Variants in SESN1 observed in about 807,000 individuals in gnomAD.
The protein encoded by SESN1 is sestrin-1.
A neutral mutation model predicts 59.3 loss-of-function variants in SESN1; 30 were observed. The observed-to-expected ratio is 0.51, with a 90% CI of 0.38 to 0.69. The LOEUF (loss-of-function observed/expected upper bound fraction) is 0.69, where lower values mean the gene tolerates loss of function less well. SESN1 is among the 30% of genes least tolerant of loss of function. SESN1 has a pLI of 0.00. For synonymous variants in SESN1, 197 were observed against 219.9 expected, an observed-to-expected ratio of 0.90 and a Z score of 0.92; for missense variants, 566 against 673.0, an observed-to-expected ratio of 0.84 and a Z score of 1.76.
chr6:109,071,916 A>T (rs1182537795), intron 1 of SESN1, among the ~76,000 whole-genome samples: 1 of 152,202 alleles, frequency 6.6e-6, no homozygotes, highest in East Asian at 1.9e-4. Flanking sequence ...TTAATCTTTT[A>T]AGATCACAAT....
chr6:109,039,300 C>A (rs1374885539), intron 1 of SESN1, among the ~76,000 whole-genome samples: 1 of 152,190 alleles, frequency 6.6e-6, no homozygotes, highest in Admixed American at 6.5e-5. Flanking sequence ...ATTGTATATA[C>A]TGCATAAATC....
At chr6:109,045,881 GAAAT>G (rs1780422098) in intron 1 of SESN1, among the ~76,000 whole-genome samples, 1 of 152,112 alleles carries the variant, frequency 6.6e-6, no homozygotes, top group Non-Finnish European at 1.5e-5. Flanking sequence ...ACATGTTTCT[GAAAT>G]AAATAAATGT....
At chr6:109,008,667 A>T in intron 1 of SESN1, 1 of 516,992 alleles carries the variant, frequency 1.9e-6, no homozygotes, top group Non-Finnish European at 2.5e-6. Context: ...TTCGAGTTTT[A>T]CCTAAGGTTA....
rs1562450393 is a variant in SESN1, at chr6:108,987,241, G to C, written c.*303C>G. ...TCTTGTTATCTTATTTAACATAAAA[G>C]CAACAGGATTTGGAGAGTTACTATT... On this transcript the variant is annotated 3_prime_UTR_variant, in exon 10 of 10. Coordinates refer to ENST00000436639, the MANE Select transcript of SESN1 (RefSeq NM_014454.3). 7.8e-6 allele frequency: 2 copies of C among 255,568 alleles called. No individual in the cohort carries two copies. Among genetic ancestry groups the C allele is most frequent in the East Asian group, 1.5e-4 (2 of 13,590 alleles). 15.8% of individuals were successfully genotyped at this position (255,568 alleles called of 1,614,324 possible). A position where few individuals can be genotyped will look rare whatever the true frequency, so the allele number is the denominator to read the frequency against.
chr6:109,021,225 C>A (rs1360067393), intron 1 of SESN1, among the ~76,000 whole-genome samples: 1 of 152,104 alleles, frequency 6.6e-6, no homozygotes, highest in Non-Finnish European at 1.5e-5. Context: ...CTCAAGTGAA[C>A]TCCCGCCTCA....
chr6:109,078,951 G>A lies in SESN1; in HGVS notation c.279+14844C>T, dbSNP rs114504177. ...AAATAATATATTGTATGAAATGAAA[G>A]AATATTTATCTCAAGGTTTGAATCT... On this transcript the variant is annotated intron_variant, in intron 1 of 9. Transcript: ENST00000436639. Among the ~76,000 whole-genome samples, 1,195 of 151,988 alleles carry A rather than the reference G, an allele frequency of 7.9e-3. 21 individuals are homozygous for A. The highest frequency in any genetic ancestry group is 0.028 in the African/African-American group (1,146 of 41,428).
At chr6:108,998,449 G>A in intron 5 of SESN1, 64 bp downstream of exon 5, 1 of 1,584,206 alleles carries the variant, frequency 6.3e-7, no homozygotes, top group Admixed American at 1.7e-5. Flanking sequence ...GCCAACTGAA[G>A]AAATAATATA....
intron 1 of SESN1, among the ~76,000 whole-genome samples, chr6:109,063,824 T>C (rs1375215234): frequency 6.6e-6 from 1 of 151,870 alleles, no homozygotes; most frequent in African/African-American, 2.4e-5. Context: ...GTTAACACAT[T>C]TCAAAAGAAG....
At chr6:109,081,095 G>C (rs1471139122) in intron 1 of SESN1, among the ~76,000 whole-genome samples, 7 of 151,740 alleles carry the variant, frequency 4.6e-5, no homozygotes, top group Non-Finnish European at 8.8e-5. Flanking sequence ...ATTTTGTTCT[G>C]TTTTGAAACA....
At chr6:109,083,877 A>T (rs977386283) in intron 1 of SESN1, among the ~76,000 whole-genome samples, 4 of 152,220 alleles carry the variant, frequency 2.6e-5, no homozygotes, top group Admixed American at 2.0e-4. Context: ...AAAATTACTC[A>T]GTTATAATTA....
At position 109,000,826 on chromosome 6, in the gene SESN1, T is replaced by A. The variant is rs536709419; in HGVS notation, c.547-153A>T. On this transcript the variant is annotated intron_variant, in intron 3 of 9. Coordinates refer to ENST00000436639, the MANE Select transcript of SESN1 (RefSeq NM_014454.3). ...AAATGCAGTTTTTATATAAACATTTTAAAAATTCAAATACTGTAAGAACCT... is the reference window on the plus strand; with the variant it reads ...AAATGCAGTTTTTATATAAACATTTAAAAAATTCAAATACTGTAAGAACCT... Among the ~76,000 whole-genome samples the A allele has an allele frequency of 9.2e-5, 14 of 152,302 alleles. No homozygotes were observed. The South Asian group carries it at 2.7e-3, about 29-fold the overall frequency.
chr6:109,066,506 A>C (rs975397731), intron 1 of SESN1, among the ~76,000 whole-genome samples: 10 of 152,180 alleles, frequency 6.6e-5, no homozygotes, highest in Non-Finnish European at 1.5e-4. Flanking sequence ...CTTAAGAAAT[A>C]TCGACCAATT....
At chr6:109,058,460 T>C (rs1039299700) in intron 1 of SESN1, among the ~76,000 whole-genome samples, 27 of 152,170 alleles carry the variant, frequency 1.8e-4, no homozygotes, top group African/African-American at 6.3e-4. Context: ...GTAAGTACAC[T>C]CTGTGATGTT....
chr6:108,993,737 T>C (rs972882230), intron 6 of SESN1, among the ~76,000 whole-genome samples: 1 of 152,088 alleles, frequency 6.6e-6, no homozygotes, highest in African/African-American at 2.4e-5. Flanking sequence ...TCACAAATCA[T>C]ATAATTTTTG....
chr6:109,005,460 C>G (rs1394061570), intron 1 of SESN1, among the ~76,000 whole-genome samples: 1 of 152,098 alleles, frequency 6.6e-6, no homozygotes, highest in Non-Finnish European at 1.5e-5. Context: ...GCCAGATTGA[C>G]AGCACATAGG....
intron 1 of SESN1, among the ~76,000 whole-genome samples, chr6:109,093,102 T>A (rs141496531): frequency 5.3e-4 from 80 of 152,278 alleles, no homozygotes; most frequent in Non-Finnish European, 9.9e-4. Context: ...GGATAAATTA[T>A]GAACGAAATG....
intron 5 of SESN1, among the ~76,000 whole-genome samples, chr6:108,996,946 TACGTACTGTATGATTCCAACTATATA>T (rs1779511608): frequency 6.6e-6 from 1 of 152,020 alleles, no homozygotes; most frequent in Admixed American, 6.5e-5. Flanking sequence ...CTGAAAAGGC[TACGTACTGTATGATTCCAACTATATA>T]ACATTCTGGA....
intron 1 of SESN1, among the ~76,000 whole-genome samples, chr6:109,074,976 C>A (rs564087359): frequency 6.6e-6 from 1 of 152,310 alleles, no homozygotes; most frequent in Admixed American, 6.5e-5. Context: ...CTGCTAGAGC[C>A]AGGCAGGCCT....
intron 1 of SESN1, among the ~76,000 whole-genome samples, chr6:109,036,316 T>C (rs1419578994): frequency 1.3e-5 from 2 of 152,240 alleles, no homozygotes; most frequent in Admixed American, 6.5e-5. Context: ...ACGATTTGTC[T>C]GAGTGAAAAA....
Sources: allele counts gnomAD v4.1 joint callset (sites outside exome capture counted in the v4.1 genomes callset), GRCh38; gene constraint gnomAD v4.1.1; transcripts MANE v1.5; gene names NCBI Gene and HGNC (gene_info 2026-07-23, HGNC 2026-07-21).